The following PLCB1 variants were observed in gnomAD, a reference collection of about 807,000 sequenced individuals.
PLCB1 encodes 1-phosphatidylinositol 4,5-bisphosphate phosphodiesterase beta-1.
Under a neutral mutation model 161.8 loss-of-function variants are expected in PLCB1, and 46 were observed. The ratio of observed to expected loss-of-function variants is 0.28; its 90% CI spans 0.22 to 0.36. The LOEUF (loss-of-function observed/expected upper bound fraction) is 0.36, where lower values mean the gene tolerates loss of function less well. Ranked by LOEUF, PLCB1 falls within the 10% of genes least tolerant of loss-of-function variation. The pLI, the probability that PLCB1 is intolerant of heterozygous loss-of-function variation, is 1.00. For missense variants in PLCB1, 1,016 were observed against 1,472.5 expected, an observed-to-expected ratio of 0.69 and a Z score of 5.07; for synonymous variants, 517 against 503.7, an observed-to-expected ratio of 1.03 and a Z score of -0.35.
chr20:8,623,680 C>T (rs1271263626), intron 3 of PLCB1, among the ~76,000 whole-genome samples: 1 of 152,136 alleles, frequency 6.6e-6, no homozygotes, highest in Non-Finnish European at 1.5e-5. Flanking sequence ...AAAGATTTTC[C>T]ATCTGTTACT....
At chr20:8,507,497 C>A (rs1983685810) in intron 3 of PLCB1, among the ~76,000 whole-genome samples, 1 of 152,130 alleles carries the variant, frequency 6.6e-6, no homozygotes, top group African/African-American at 2.4e-5. Context: ...GTAATAGTTA[C>A]AATAAGTTAC....
At chr20:8,694,045 C>T (rs967779122) in intron 10 of PLCB1, among the ~76,000 whole-genome samples, 1 of 152,118 alleles carries the variant, frequency 6.6e-6, no homozygotes, top group Non-Finnish European at 1.5e-5. Flanking sequence ...TTCAGCGATC[C>T]GCTAGCCCCA....
chr20:8,614,094 G>A (rs1307567525), intron 3 of PLCB1, among the ~76,000 whole-genome samples: 2 of 151,954 alleles, frequency 1.3e-5, no homozygotes, highest in Non-Finnish European at 2.9e-5. Context: ...CATGTGAATG[G>A]CCAATAAATA....
Position 8,753,713 on chromosome 20 carries a change from T to C in PLCB1, c.2524-3333T>C, listed in dbSNP as rs192209139. On this transcript the variant is annotated intron_variant, in intron 23 of 31. Transcript: ENST00000338037. ...TTCTGGGCCAAATGCAGTCTGAAGATGTGCTCTGTTTGTCTTTTCAGTGAT... is the reference window on the plus strand; with the variant it reads ...TTCTGGGCCAAATGCAGTCTGAAGACGTGCTCTGTTTGTCTTTTCAGTGAT... Among the ~76,000 whole-genome samples the C allele has an allele frequency of 3.3e-5, 5 of 152,322 alleles. No individual in the cohort carries two copies. In the East Asian group the frequency reaches 9.6e-4, roughly 29 times the overall value.
chr20:8,382,625 C>T (rs1002166728), intron 3 of PLCB1, among the ~76,000 whole-genome samples: 1 of 145,246 alleles, frequency 6.9e-6, no homozygotes, highest in Non-Finnish European at 1.5e-5. Context: ...TCAGTTCACT[C>T]TTGTGCTCCA....
chr20:8,149,935 ATTC>A (rs2051492411), intron 1 of PLCB1, among the ~76,000 whole-genome samples: 1 of 152,154 alleles, frequency 6.6e-6, no homozygotes, highest in Non-Finnish European at 1.5e-5. Context: ...TTAAAATACT[ATTC>A]TTAAGCATGG....
chr20:8,593,772 A>G (rs1234093911), intron 3 of PLCB1, among the ~76,000 whole-genome samples: 2 of 152,044 alleles, frequency 1.3e-5, no homozygotes, highest in Non-Finnish European at 2.9e-5. Context: ...AATTTTATGG[A>G]CTTTGCCTTG....
chr20:8,391,823 A>G (rs940714926), intron 3 of PLCB1, among the ~76,000 whole-genome samples: 2 of 131,926 alleles, frequency 1.5e-5, no homozygotes, highest in African/African-American at 2.7e-5. Flanking sequence ...ATATATATAT[A>G]TACACACACA....
chr20:8,833,189 A>G (rs1986097796), intron 31 of PLCB1, among the ~76,000 whole-genome samples: 1 of 152,230 alleles, frequency 6.6e-6, no homozygotes, highest in African/African-American at 2.4e-5. Context: ...TGGGTAATTT[A>G]TAAAGAAAAA....
intron 3 of PLCB1, among the ~76,000 whole-genome samples, chr20:8,492,883 A>C (rs1370959559): frequency 6.7e-6 from 1 of 150,364 alleles, no homozygotes. Flanking sequence ...TGCATTTTTA[A>C]TGTATGTTCA....
chr20:8,339,769 T>C (rs933706033), intron 2 of PLCB1, among the ~76,000 whole-genome samples: 6 of 152,206 alleles, frequency 3.9e-5, no homozygotes, highest in Non-Finnish European at 7.3e-5. Flanking sequence ...CCCAAGTTTC[T>C]GTTTTCTTGT....
chr20:8,613,536 C>T (rs560034605), intron 3 of PLCB1, among the ~76,000 whole-genome samples: 1 of 152,158 alleles, frequency 6.6e-6, no homozygotes, highest in African/African-American at 2.4e-5. Context: ...TAATATGTGA[C>T]TTTCAATCCA....
chr20:8,760,468 C>A lies in PLCB1; in HGVS notation c.2710+8C>A. On this transcript the variant is annotated splice_region_variant and intron_variant, in intron 25 of 31. Transcript: ENST00000338037. ...TTCAGAGTGTCTTAACAGGTAAATG[C>A]CACCCTTTCCCCCCATGGAATTAAG... The A allele has an allele frequency of 6.2e-7, 1 of 1,602,316 alleles. No homozygotes were observed. Among genetic ancestry groups the A allele is most frequent in the Non-Finnish European group, 8.5e-7 (1 of 1,169,738 alleles).
At chr20:8,465,710 A>G (rs1257225452) in intron 3 of PLCB1, among the ~76,000 whole-genome samples, 1 of 152,046 alleles carries the variant, frequency 6.6e-6, no homozygotes, top group Non-Finnish European at 1.5e-5. Context: ...GCAGCCAAAA[A>G]ACACATGAAA....
intron 3 of PLCB1, among the ~76,000 whole-genome samples, chr20:8,485,088 A>G (rs1315026720): frequency 1.3e-5 from 2 of 152,264 alleles, no homozygotes; most frequent in South Asian, 4.1e-4. Context: ...TTGTATTGCC[A>G]GGAACCCCAT....
In PLCB1 at chr20:8,533,628, T is replaced by C. The variant is rs528727615; in HGVS notation, c.247-94666T>C. Among the ~76,000 whole-genome samples, 7 of 151,160 alleles carry C rather than the reference T, an allele frequency of 4.6e-5. No homozygotes were observed. In the East Asian group the frequency reaches 1.4e-3, roughly 30 times the overall value. On this transcript the variant is annotated intron_variant, in intron 3 of 31. Coordinates refer to ENST00000338037, the MANE Select transcript of PLCB1 (RefSeq NM_015192.4). ...TCTGATGGCCAGTGATGGTGAGCAT[T>C]TTTTCATGTGTTTTTTGGCTGCATA...
In PLCB1 at chr20:8,322,887, T is replaced by A. The variant is rs1375805192; in HGVS notation, c.178-48495T>A. Among the ~76,000 whole-genome samples the A allele has an allele frequency of 2.6e-5, 4 of 152,266 alleles. No homozygotes were observed. In the East Asian group the frequency reaches 7.7e-4, roughly 29 times the overall value. On this transcript the variant is annotated intron_variant, in intron 2 of 31. Coordinates refer to ENST00000338037, the MANE Select transcript of PLCB1 (RefSeq NM_015192.4). Reference sequence around the variant, plus strand: ...TGACCAGACGACATGTGTTGAATTGTTTGAGGCTGTACCGCATGTCAAGCT... The same window carrying A: ...TGACCAGACGACATGTGTTGAATTGATTGAGGCTGTACCGCATGTCAAGCT...
At chr20:8,319,690 C>T (rs1388676184) in intron 2 of PLCB1, among the ~76,000 whole-genome samples, 1 of 149,914 alleles carries the variant, frequency 6.7e-6, no homozygotes, top group Admixed American at 6.7e-5. Flanking sequence ...GCTAGATAAA[C>T]AAGGAGAGTT....
chr20:8,539,624 CTTT>C lies in PLCB1; in HGVS notation c.247-88669_247-88667del, dbSNP rs1985200038. ...CTTGCCTCTTTTCTTTATTTTCTTT[CTTT>C]CTTTCTTTCTTTCTTTCTTTCTTTC... On this transcript the variant is annotated intron_variant, in intron 3 of 31. Transcript: ENST00000338037. 5.8e-5 allele frequency among the ~76,000 whole-genome samples: 4 copies of C among 68,850 alleles called. No homozygotes were observed. In the South Asian group the frequency reaches 2.3e-3, roughly 39 times the overall value. 45.2% of individuals were successfully genotyped at this position (68,850 alleles called of 152,430 possible). A position where few individuals can be genotyped will look rare whatever the true frequency, so the allele number is the denominator to read the frequency against.
Sources: gnomAD v4.1 joint callset for allele counts (sites outside exome capture counted in the v4.1 genomes callset) on GRCh38, gnomAD v4.1.1 for gene constraint, MANE v1.5 for transcripts, NCBI Gene and HGNC (gene_info 2026-07-23, HGNC 2026-07-21) for gene names.